Variants in CEP63 observed in about 807,000 individuals in gnomAD.
The protein encoded by CEP63 is centrosomal protein 63, also known as centrosomal protein of 63 kDa.
CEP63 carries 84 observed loss-of-function variants against 89.1 expected under a neutral mutation model. The observed-to-expected ratio is 0.94, with a 90% CI of 0.79 to 1.13. The LOEUF (loss-of-function observed/expected upper bound fraction) is 1.13. Ranked by LOEUF, CEP63 falls within the 50% of genes most tolerant of loss-of-function variation. The probability of loss-of-function intolerance (pLI) is 0.00; values close to 1 mark genes in which losing one functional copy is unlikely to be tolerated. For missense variants in CEP63, 838 were observed against 813.3 expected (o/e 1.03, Z -0.37); for synonymous variants, 267 against 272.5 (o/e 0.98, Z 0.20).
chr3:134,672,482 G>T, the CEP63 span, among the ~76,000 whole-genome samples: 3 of 152,156 alleles, frequency 2.0e-5, no homozygotes, highest in South Asian at 6.2e-4. Context: ...ATTCAAAATT[G>T]TCATGATTCT....
intron 3 of CEP63, among the ~76,000 whole-genome samples, chr3:134,509,697 C>T (rs1944384252): frequency 6.6e-6 from 1 of 152,104 alleles, no homozygotes; most frequent in African/African-American, 2.4e-5. Flanking sequence ...TGTTCCAAGA[C>T]ACACAGGACT....
At chr3:134,685,378 G>A in the CEP63 span, among the ~76,000 whole-genome samples, 71 of 152,172 alleles carry the variant, frequency 4.7e-4, 2 homozygotes, top group East Asian at 0.012. Flanking sequence ...ACATACTGAA[G>A]CCTTCTCTCT....
In CEP63 at chr3:134,532,821, A is replaced by G. The variant is rs767650398; in HGVS notation, c.362A>G (p.Gln121Arg). 1.7e-5 allele frequency: 27 copies of G among 1,612,326 alleles called. No individual in the cohort carries two copies. The highest frequency in any genetic ancestry group is 1.3e-4 in the Admixed American group (8 of 59,994). Reference sequence around the variant, plus strand: ...AGCTATGAAAAGCTTCAGAAAAAGCAAATGAGGGAATTCAGAGGAAATACC... The same window carrying G: ...AGCTATGAAAAGCTTCAGAAAAAGCGAATGAGGGAATTCAGAGGAAATACC... ...KRSYEKLQKK[Q>R]MREFRGNTKN... Residue 121 changes from glutamine (Q) to arginine (R), a missense_variant, in exon 5 of 15, where the codon CAA becomes CGA. Physicochemically the swap from Gln to Arg is conservative, Grantham distance 43 (BLOSUM62 1). Coordinates refer to ENST00000675561, the MANE Select transcript of CEP63 (RefSeq NM_001353108.3).
chr3:134,604,361 A>G, the CEP63 span: 1 of 1,613,888 alleles, frequency 6.2e-7, no homozygotes, highest in African/African-American at 1.3e-5. Context: ...TACACCTCCA[A>G]CTTCATCCCA....
intron 3 of CEP63, among the ~76,000 whole-genome samples, chr3:134,521,483 A>G (rs1203013617): frequency 6.6e-6 from 1 of 152,200 alleles, no homozygotes; most frequent in Non-Finnish European, 1.5e-5. Flanking sequence ...ATGGTTGAAC[A>G]TGACTTAGCA....
At chr3:134,602,774 C>A in the CEP63 span, among the ~76,000 whole-genome samples, 1 of 152,196 alleles carries the variant, frequency 6.6e-6, no homozygotes, top group Non-Finnish European at 1.5e-5. Context: ...CCTCTCAGAG[C>A]AGAGCTGGAG....
At chr3:134,627,815 A>G in the CEP63 span, 1 of 1,612,558 alleles carries the variant, frequency 6.2e-7, no homozygotes, top group Admixed American at 1.7e-5. Flanking sequence ...ATCACCTTGT[A>G]AACCTACAAT....
At chr3:134,579,823 A>G (rs566313369), downstream of CEP63, among the ~76,000 whole-genome samples, 9 of 152,356 alleles carry the variant, frequency 5.9e-5, no homozygotes, top group South Asian at 1.7e-3. Flanking sequence ...TGAATAAAAA[A>G]TAGTATATCC....
chr3:134,536,173 T>G (rs1950742124), intron 5 of CEP63: 1 of 152,272 alleles, frequency 6.6e-6, no homozygotes, highest in African/African-American at 2.4e-5. Flanking sequence ...GACTTCATGC[T>G]CTGTTTTCTC....
At chr3:134,533,033 G>GA (rs1289982303) in intron 5 of CEP63, 133 bp downstream of exon 5, 13 of 894,462 alleles carry the variant, frequency 1.5e-5, no homozygotes, top group Non-Finnish European at 2.3e-5. Flanking sequence ...TTTCAGAGGT[G>GA]AGAGGGTGAT....
At chr3:134,529,241 A>G (rs1273754509) in intron 3 of CEP63, among the ~76,000 whole-genome samples, 1 of 151,782 alleles carries the variant, frequency 6.6e-6, no homozygotes, top group Admixed American at 6.6e-5. Context: ...ATATTTTATT[A>G]TGTACATTCA....
chr3:134,617,122 G>T, the CEP63 span, among the ~76,000 whole-genome samples: 19 of 152,182 alleles, frequency 1.2e-4, no homozygotes, highest in African/African-American at 4.3e-4. Context: ...GTAGACCCAG[G>T]TCTTTCTAGC....
intron 2 of CEP63, among the ~76,000 whole-genome samples, chr3:134,506,046 C>G (rs1943364701): frequency 6.6e-6 from 1 of 152,158 alleles, no homozygotes; most frequent in African/African-American, 2.4e-5. Context: ...TACATCCTAT[C>G]TTGAGTTTTC....
At chr3:134,771,625 A>G in the CEP63 span, among the ~76,000 whole-genome samples, 2 of 152,202 alleles carry the variant, frequency 1.3e-5, no homozygotes, top group East Asian at 3.9e-4. Context: ...GTATTCATAC[A>G]CTGGGTCCTG....
At chr3:134,664,725 T>A in the CEP63 span, among the ~76,000 whole-genome samples, 1 of 151,902 alleles carries the variant, frequency 6.6e-6, no homozygotes, top group Non-Finnish European at 1.5e-5. Context: ...GAACTTTAGC[T>A]ACCCTACTAG....
chr3:134,501,109 G>A (rs1224866329), intron 2 of CEP63, among the ~76,000 whole-genome samples: 1 of 152,138 alleles, frequency 6.6e-6, no homozygotes, highest in Non-Finnish European at 1.5e-5. Flanking sequence ...TTTCTCCATT[G>A]TTTGTTTTTG....
chr3:134,609,977 T>G, the CEP63 span, among the ~76,000 whole-genome samples: 1 of 151,734 alleles, frequency 6.6e-6, no homozygotes, highest in African/African-American at 2.4e-5. Context: ...GGAGTCAGAG[T>G]GGGGAGTTTG....
chr3:134,717,459 G>A, the CEP63 span, among the ~76,000 whole-genome samples: 37 of 152,098 alleles, frequency 2.4e-4, no homozygotes, highest in South Asian at 1.0e-3. Flanking sequence ...TTTGCAAAAC[G>A]AAACACCTTG....
At chr3:134,724,692 T>C in the CEP63 span, among the ~76,000 whole-genome samples, 1 of 152,236 alleles carries the variant, frequency 6.6e-6, no homozygotes, top group Non-Finnish European at 1.5e-5. Context: ...GAGGAACATA[T>C]TAAATAAGGC....
Sources: gnomAD v4.1 joint callset for allele counts (sites outside exome capture counted in the v4.1 genomes callset) on GRCh38, gnomAD v4.1.1 for gene constraint, MANE v1.5 for transcripts, NCBI Gene and HGNC (gene_info 2026-07-23, HGNC 2026-07-21) for gene names.